Variants in IMPDH1 observed in about 807,000 individuals in gnomAD.
IMPDH1 encodes the protein inosine monophosphate dehydrogenase 1, also known as inosine-5'-monophosphate dehydrogenase 1.
Under a neutral mutation model 73.5 loss-of-function variants are expected in IMPDH1, and 41 were observed. That is an observed-to-expected ratio of 0.56 (90% CI 0.43 to 0.72). IMPDH1 has a LOEUF of 0.72. IMPDH1 is among the 30% of genes least tolerant of loss of function. The pLI, the probability that IMPDH1 is intolerant of heterozygous loss-of-function variation, is 0.00. For missense variants in IMPDH1, 645 were observed against 824.8 expected, an observed-to-expected ratio of 0.78 and a Z score of 2.67; for synonymous variants, 318 against 334.3, an observed-to-expected ratio of 0.95 and a Z score of 0.53.
intron 5 of IMPDH1, 146 bp downstream of exon 5, chr7:128,403,558 CAA>C (rs879132945): frequency 0.053 from 23,144 of 434,038 alleles, no homozygotes; most frequent in East Asian, 0.061. Context: ...ACTCTGTCTC[CAA>C]AAAAAAAAAA....
intron 9 of IMPDH1, among the ~76,000 whole-genome samples, chr7:128,399,093 G>A (rs1281643183): frequency 6.6e-5 from 10 of 152,170 alleles, no homozygotes; most frequent in Admixed American, 6.5e-4. Context: ...AAGTTGGCCG[G>A]GTGTGGTGGC....
intron 5 of IMPDH1, among the ~76,000 whole-genome samples, chr7:128,402,145 C>G (rs1453152146): frequency 6.6e-6 from 1 of 152,020 alleles, no homozygotes; most frequent in East Asian, 1.9e-4. Flanking sequence ...TTCTGTCACC[C>G]AGGCTAGAGT....
In IMPDH1 at chr7:128,409,468, C is replaced by T. The variant is rs989869321; in HGVS notation, c.163G>A (p.Ala55Thr). The change falls in exon 2 of 17, where the codon GCT becomes ACT. Residue 55 changes from alanine to threonine, a missense_variant. Ala to Thr is a moderately conservative substitution (Grantham distance 58, BLOSUM62 0). Coordinates refer to ENST00000338791, the MANE Select transcript of IMPDH1 (RefSeq NM_000883.4). Reference protein sequence around the residue: ...YEPESPRLDLATHPTTPRSEL... With the variant: ...YEPESPRLDLTTHPTTPRSEL... The stretch of plus-strand genomic sequence containing the variant: ...GAACGGGGTGTCGTCGGGTGTGTAG[C>T]GAGGTCCAATCTAGGGCTAAGATTT... 8 of 1,614,052 alleles carry T rather than the reference C, an allele frequency of 5.0e-6. No individual in the cohort carries two copies. In the African/African-American group the frequency reaches 8.0e-5, roughly 16 times the overall value.
chr7:128,405,933 T>A, intron 3 of IMPDH1, 68 bp from the exon 4 acceptor site: 1 of 1,373,222 alleles, frequency 7.3e-7, no homozygotes, highest in South Asian at 1.3e-5. Context: ...CCGCTGCTGC[T>A]GCTGCTACTG....
chr7:128,395,558 G>C (rs1193042907), intron 12 of IMPDH1, among the ~76,000 whole-genome samples: 1 of 152,198 alleles, frequency 6.6e-6, no homozygotes. Flanking sequence ...GGTGGCCCCA[G>C]CCTCACCTGC....
intron 12 of IMPDH1, 54 bp from the exon 13 acceptor site, chr7:128,395,328 C>A: frequency 6.2e-7 from 1 of 1,603,982 alleles, no homozygotes; most frequent in Non-Finnish European, 8.5e-7. Flanking sequence ...AACTCCGGGG[C>A]CTGGAGCGGG....
intron 9 of IMPDH1, among the ~76,000 whole-genome samples, chr7:128,399,832 G>A (rs1333244031): frequency 2.0e-5 from 3 of 152,236 alleles, no homozygotes; most frequent in Non-Finnish European, 2.9e-5. Flanking sequence ...AGAGAAAGGA[G>A]TTATTGCTCA....
intron 1 of IMPDH1, 125 bp from the exon 2 acceptor site, chr7:128,409,609 T>C: frequency 6.6e-7 from 1 of 1,525,808 alleles, no homozygotes; most frequent in Non-Finnish European, 9.1e-7. Flanking sequence ...GCGTGGCGTT[T>C]CGGGAAGTTA....
At chr7:128,403,825 G>A in intron 4 of IMPDH1, 71 bp from the exon 5 acceptor site, 1 of 1,359,992 alleles carries the variant, frequency 7.4e-7, no homozygotes, top group South Asian at 1.2e-5. Context: ...TGCCATGCCA[G>A]AGGAGGCAGC....
intron 5 of IMPDH1, 106 bp downstream of exon 5, chr7:128,403,600 C>G: frequency 1.0e-6 from 1 of 980,550 alleles, no homozygotes; most frequent in Non-Finnish European, 1.7e-6. Flanking sequence ...CCACCCATTC[C>G]CAAGAAAAGT....
At chr7:128,402,008 A>G (rs1013901647) in intron 5 of IMPDH1, among the ~76,000 whole-genome samples, 1 of 152,136 alleles carries the variant, frequency 6.6e-6, no homozygotes, top group Non-Finnish European at 1.5e-5. Context: ...CATGATCTAG[A>G]AAACACCATC....
At chr7:128,403,389 C>A (rs1049626029) in intron 5 of IMPDH1, among the ~76,000 whole-genome samples, 13 of 152,174 alleles carry the variant, frequency 8.5e-5, no homozygotes, top group African/African-American at 3.1e-4. Flanking sequence ...GAAACCCCGT[C>A]TCCACTAAAA....
chr7:128,403,589 T>A, intron 5 of IMPDH1, 117 bp downstream of exon 5: 34 of 748,738 alleles, frequency 4.5e-5, no homozygotes, highest in Non-Finnish European at 6.9e-5. Flanking sequence ...CTATATCCTA[T>A]CCACCCATTC....
In IMPDH1 at chr7:128,396,515, G is replaced by T; in HGVS notation, c.1261+85C>A. 9.3e-7 allele frequency: 1 copy of T among 1,080,660 alleles called. No homozygotes were observed. Among genetic ancestry groups the T allele is most frequent in the Non-Finnish European group, 1.4e-6 (1 of 719,432 alleles). The allele number at this position is 1,080,660 out of a possible 1,614,324, so 66.9% of individuals were successfully genotyped here. ...AGCCTACCATGGCAGAACAGGGCCT[G>T]GCAGAGAGAGTACTTGATATACATC... On this transcript the variant is annotated intron_variant, in intron 12 of 16. Coordinates refer to ENST00000338791, the MANE Select transcript of IMPDH1 (RefSeq NM_000883.4). The surrounding 1 kb of genome is among the most constrained non-coding windows in gnomAD (Gnocchi z 4.0).
At position 128,401,085 on chromosome 7, in the gene IMPDH1, G is replaced by T; in HGVS notation, c.434C>A (p.Thr145Lys). 2 of 1,613,926 alleles carry T rather than the reference G, an allele frequency of 1.2e-6. No individual in the cohort carries two copies. The highest frequency in any genetic ancestry group is 1.7e-6 in the Non-Finnish European group (2 of 1,180,002). Reference protein sequence around the residue: ...DLTSALTRKITLKTPLISSPM... With the variant: ...DLTSALTRKIKLKTPLISSPM... The stretch of plus-strand genomic sequence containing the variant: ...GGAGGAGATCAGTGGCGTCTTCAGC[G>T]TGATCTTCCGGGTCAGGGCTGAGGT... Residue 145 changes from threonine to lysine, a missense_variant, in exon 6 of 17, where the codon ACG (threonine) becomes AAG (lysine). Transcript: ENST00000338791.
chr7:128,405,118 G>A lies in IMPDH1; in HGVS notation c.353+649C>T, dbSNP rs147532682. ...GCTAGTGCCAGGCCTGCAGCACGCAGGGCAACTGGCCTAGGGACCACGGAA... is the reference window on the plus strand; with the variant it reads ...GCTAGTGCCAGGCCTGCAGCACGCAAGGCAACTGGCCTAGGGACCACGGAA... On this transcript the variant is annotated intron_variant, in intron 4 of 16. Transcript: ENST00000338791. Among the ~76,000 whole-genome samples, 275 of 152,364 alleles carry A rather than the reference G, an allele frequency of 1.8e-3. 1 individual carries two copies. The highest frequency in any genetic ancestry group is 2.6e-3 in the Non-Finnish European group (176 of 68,038).
At chr7:128,397,875 C>A (rs967628604) in intron 10 of IMPDH1, among the ~76,000 whole-genome samples, 1 of 152,148 alleles carries the variant, frequency 6.6e-6, no homozygotes, top group Non-Finnish European at 1.5e-5. Flanking sequence ...TTTCATCCTT[C>A]GTTCCCCTCC....
chr7:128,396,524 A>T lies in IMPDH1; in HGVS notation c.1261+76T>A, dbSNP rs1024237450. Reference sequence around the variant, plus strand: ...TGGCAGAACAGGGCCTGGCAGAGAGAGTACTTGATATACATCTGGGGAACA... The same window carrying T: ...TGGCAGAACAGGGCCTGGCAGAGAGTGTACTTGATATACATCTGGGGAACA... On this transcript the variant is annotated intron_variant, in intron 12 of 16. Coordinates refer to ENST00000338791, the MANE Select transcript of IMPDH1 (RefSeq NM_000883.4). This position sits in a 1 kb window ranked among gnomAD's most constrained non-coding sequence, Gnocchi z 4.0. 1 of 1,115,284 alleles carries T rather than the reference A, an allele frequency of 9.0e-7. No homozygotes were observed. Among genetic ancestry groups the T allele is most frequent in the African/African-American group, 1.5e-5 (1 of 64,674 alleles). The allele number at this position is 1,115,284 out of a possible 1,614,324, so 69.1% of individuals were successfully genotyped here.
chr7:128,397,694 G>A (rs1466413477), intron 10 of IMPDH1, among the ~76,000 whole-genome samples: 3 of 152,018 alleles, frequency 2.0e-5, no homozygotes, highest in East Asian at 3.9e-4. Context: ...TCGGGGGGTG[G>A]GGGAGAGTCT....
Sources: allele counts gnomAD v4.1 joint callset (sites outside exome capture counted in the v4.1 genomes callset), GRCh38; gene constraint gnomAD v4.1.1; non-coding constraint Gnocchi (gnomAD v3.1); transcripts MANE v1.5; gene names NCBI Gene and HGNC (gene_info 2026-07-23, HGNC 2026-07-21).